AKAP13: variants seen among roughly 807,000 people sequenced by gnomAD.
AKAP13 encodes A-kinase anchoring protein 13.
In AKAP13, 80 loss-of-function variants were observed where a neutral mutation model predicts 264.5. The ratio of observed to expected loss-of-function variants is 0.30; its 90% confidence interval spans 0.25 to 0.36. The LOEUF is 0.36. AKAP13 is among the 10% of genes least tolerant of loss of function. The pLI, the probability that AKAP13 is intolerant of heterozygous loss-of-function variation, is 1.00. For missense variants in AKAP13, 3,712 were observed against 3,435.2 expected (o/e 1.08, Z -2.01); for synonymous variants, 1,380 against 1,250.2 (o/e 1.10, Z -2.19).
intron 8 of AKAP13, among the ~76,000 whole-genome samples, chr15:85,623,959 C>T (rs932047203): frequency 6.6e-6 from 1 of 152,218 alleles, no homozygotes; most frequent in African/African-American, 2.4e-5. Context: ...TAGTGTTGAC[C>T]TCGGAAGTTG....
At chr15:85,525,510 T>C (rs1439142897) in intron 3 of AKAP13, among the ~76,000 whole-genome samples, 1 of 152,240 alleles carries the variant, frequency 6.6e-6, no homozygotes, top group African/African-American at 2.4e-5. Context: ...CAAAGCGTTA[T>C]AATAAAATAT....
intron 33 of AKAP13, among the ~76,000 whole-genome samples, chr15:85,736,902 A>G (rs1204440941): frequency 1.4e-5 from 2 of 140,392 alleles, no homozygotes; most frequent in Non-Finnish European, 3.0e-5. Flanking sequence ...TACTCAAGTT[A>G]TATCATCATC....
intron 2 of AKAP13, among the ~76,000 whole-genome samples, chr15:85,488,257 C>T (rs939896086): frequency 2.0e-5 from 3 of 152,112 alleles, no homozygotes; most frequent in African/African-American, 7.2e-5. Context: ...GTTAAGGCAA[C>T]CTGGCATTTC....
intron 8 of AKAP13, among the ~76,000 whole-genome samples, chr15:85,626,787 T>C (rs1295391663): frequency 2.0e-5 from 3 of 151,920 alleles, no homozygotes; most frequent in Non-Finnish European, 4.4e-5. Flanking sequence ...CATAAGGTAA[T>C]TGTATGTTTA....
intron 1 of AKAP13, among the ~76,000 whole-genome samples, chr15:85,434,091 A>G (rs2073151216): frequency 1.8e-5 from 1 of 55,720 alleles, no homozygotes; most frequent in African/African-American, 7.7e-5. Context: ...GGAGTGCCAG[A>G]CGGCGCAGGC....
chr15:85,482,835 C>T (rs1175625614), intron 1 of AKAP13, among the ~76,000 whole-genome samples: 2 of 152,174 alleles, frequency 1.3e-5, no homozygotes, highest in African/African-American at 4.8e-5. Flanking sequence ...TGAAAGCAAC[C>T]TGAATTTACC....
intron 8 of AKAP13, among the ~76,000 whole-genome samples, chr15:85,599,330 C>T (rs948725902): frequency 5.9e-5 from 9 of 152,156 alleles, no homozygotes; most frequent in Non-Finnish European, 1.3e-4. Flanking sequence ...GACAAGTGCT[C>T]TTAGGTTTGC....
chr15:85,679,906 T>C lies in AKAP13; in HGVS notation c.5102-2252T>C, dbSNP rs1050398576. Among the ~76,000 whole-genome samples, 10 of 152,252 alleles carry C rather than the reference T, an allele frequency of 6.6e-5. 1 individual carries two copies. Among genetic ancestry groups the C allele is most frequent in the Non-Finnish European group, 1.5e-5 (1 of 68,040 alleles). ...GTGCTCTGAAAACTTGATGATACTT[T>C]AGGAATTTCAGAGGCATTGGTGGAT... On this transcript the variant is annotated intron_variant, in intron 14 of 36. Transcript: ENST00000394518.
chr15:85,658,013 C>G (rs987051921), intron 11 of AKAP13, among the ~76,000 whole-genome samples: 29 of 152,068 alleles, frequency 1.9e-4, no homozygotes, highest in Admixed American at 1.4e-3. Flanking sequence ...ACATGGTGAT[C>G]TCAGTTCAGT....
Position 85,512,614 on chromosome 15 carries a change from G to A in AKAP13, c.34-8814G>A, listed in dbSNP as rs1320796303. 2.6e-5 allele frequency among the ~76,000 whole-genome samples: 4 copies of A among 151,978 alleles called. No individual in the cohort carries two copies. In the East Asian group the frequency reaches 7.7e-4, roughly 29 times the overall value. On this transcript the variant is annotated intron_variant, in intron 2 of 36. Coordinates refer to ENST00000394518, the MANE Select transcript of AKAP13 (RefSeq NM_007200.5). ...TTGAATTCCCGCTTGACCCCTTCTA[G>A]CTTTTTAAAGGCAAGATTTAAAAAA...
intron 15 of AKAP13, 102 bp downstream of exon 15, chr15:85,682,314 G>T (rs1295107418): frequency 8.3e-7 from 1 of 1,206,618 alleles, no homozygotes; most frequent in Non-Finnish European, 1.2e-6. Context: ...GAGCTTATTG[G>T]GTTCTTCTTT....
chr15:85,418,886 G>A (rs1392206356), intron 1 of AKAP13, among the ~76,000 whole-genome samples: 2 of 152,198 alleles, frequency 1.3e-5, no homozygotes, highest in African/African-American at 4.8e-5. Flanking sequence ...GGAGACAGTT[G>A]AAATATTGTA....
intron 1 of AKAP13, among the ~76,000 whole-genome samples, chr15:85,396,821 C>T (rs1416784074): frequency 1.3e-5 from 2 of 150,318 alleles, no homozygotes; most frequent in Non-Finnish European, 2.9e-5. Flanking sequence ...TTTGAGGTTT[C>T]TGTCAAATTA....
rs2078617757 is a variant in AKAP13 at position 85,566,688 on chromosome 15, G to A, written c.663-8443G>A. On this transcript the variant is annotated intron_variant, in intron 5 of 36. Transcript: ENST00000394518. ...GTTGCCCAGGCTGGAGTGCAGTGGT[G>A]CAGCCTCGACTCACTGCAACCTCTG... 3.4e-5 allele frequency among the ~76,000 whole-genome samples: 5 copies of A among 147,534 alleles called. No individual in the cohort carries two copies. The South Asian group carries it at 1.1e-3, about 31-fold the overall frequency.
chr15:85,683,206 T>C (rs1166219738), intron 15 of AKAP13, among the ~76,000 whole-genome samples: 2 of 152,178 alleles, frequency 1.3e-5, no homozygotes, highest in African/African-American at 4.8e-5. Context: ...ACAGCAGTGG[T>C]TTTCATACCA....
intron 26 of AKAP13, among the ~76,000 whole-genome samples, chr15:85,723,737 C>T (rs527632734): frequency 5.6e-4 from 85 of 152,264 alleles, no homozygotes; most frequent in African/African-American, 2.0e-3. Flanking sequence ...GAGTTCAAAA[C>T]ACATCACTTG....
chr15:85,498,431 A>T (rs966975674), intron 2 of AKAP13, among the ~76,000 whole-genome samples: 1 of 152,102 alleles, frequency 6.6e-6, no homozygotes, highest in Non-Finnish European at 1.5e-5. Flanking sequence ...CTTGTAAGGT[A>T]ACTTACTTTA....
Position 85,623,259 on chromosome 15 carries a change from C to T in AKAP13, c.4162-16115C>T, listed in dbSNP as rs931384471. Among the ~76,000 whole-genome samples the T allele has an allele frequency of 3.9e-5, 6 of 152,204 alleles. No individual in the cohort carries two copies. In the East Asian group the frequency reaches 9.6e-4, roughly 24 times the overall value. On this transcript the variant is annotated intron_variant, in intron 8 of 36. Transcript: ENST00000394518. ...AATATTATCTAAACACTCAAAACAA[C>T]GTTTGTTGGTTAAATGAATTTATCT...
intron 1 of AKAP13, among the ~76,000 whole-genome samples, chr15:85,385,674 T>G (rs191164491): frequency 6.6e-6 from 1 of 152,358 alleles, no homozygotes; most frequent in Admixed American, 6.5e-5. Flanking sequence ...CTAATGATAT[T>G]AAGTATCTTT....
Sources: allele counts gnomAD v4.1 joint callset (sites outside exome capture counted in the v4.1 genomes callset), GRCh38; gene constraint gnomAD v4.1.1; transcripts MANE v1.5; gene names NCBI Gene and HGNC (gene_info 2026-07-23, HGNC 2026-07-21).